The following GPC5 variants were observed in gnomAD, a reference collection of about 807,000 sequenced individuals.
GPC5 encodes glypican 5, also known as glypican-5.
A neutral mutation model predicts 53.9 loss-of-function variants in GPC5; 47 were observed. The observed-to-expected ratio is 0.87, with a 90% CI of 0.69 to 1.11. The LOEUF (loss-of-function observed/expected upper bound fraction) is 1.11, where lower values mean the gene tolerates loss of function less well. Ranked by LOEUF, GPC5 falls within the 50% of genes most tolerant of loss-of-function variation. The pLI is 0.00. For missense variants in GPC5, 748 were observed against 713.1 expected (o/e 1.05, Z -0.56); for synonymous variants, 286 against 263.3 (o/e 1.09, Z -0.84).
rs377578733 is a variant in GPC5, at chr13:92,596,763, C to T, written c.1562-269519C>T. On this transcript the variant is annotated intron_variant, in intron 7 of 7. Transcript: ENST00000377067. ...TTGGGATTACAGGCATCAGCCACCG[C>T]GCCAGGTTGTATTCAGTATAATTCT... 2.2e-4 allele frequency among the ~76,000 whole-genome samples: 34 copies of T among 152,214 alleles called. 1 individual carries two copies. The highest frequency in any genetic ancestry group is 2.9e-4 in the Non-Finnish European group (20 of 68,018).
chr13:92,386,004 G>A (rs1172833356), intron 7 of GPC5, among the ~76,000 whole-genome samples: 1 of 151,590 alleles, frequency 6.6e-6, no homozygotes, highest in African/African-American at 2.4e-5. Flanking sequence ...ATGAAGCATA[G>A]AATATCCATT....
chr13:91,776,637 A>G (rs1356373182), intron 5 of GPC5, among the ~76,000 whole-genome samples: 1 of 152,222 alleles, frequency 6.6e-6, no homozygotes, highest in Non-Finnish European at 1.5e-5. Context: ...ATCTAGTGCT[A>G]GAGCTCATAT....
In GPC5 at chr13:91,448,786, C is replaced by G. The variant is rs759392232; in HGVS notation, c.189C>G (p.Ser63=). The G allele has an allele frequency of 6.2e-7, 1 of 1,613,096 alleles. No individual in the cohort carries two copies. Residue 63 remains serine (S), a synonymous_variant, in exon 2 of 8, where the codon TCC becomes TCG. Coordinates refer to ENST00000377067, the MANE Select transcript of GPC5 (RefSeq NM_004466.6). ...RAGPDLQVCI[S]KKPTCCTRKM... ...GACCTGATCTTCAGGTTTGCATATC[C>G]AAAAAGCCTACATGTTGCACCAGGA...
intron 1 of GPC5, among the ~76,000 whole-genome samples, chr13:91,430,744 G>A (rs1006363805): frequency 2.0e-5 from 3 of 152,106 alleles, no homozygotes; most frequent in African/African-American, 4.8e-5. Flanking sequence ...CATGATTTTT[G>A]CCAATTTGGG....
chr13:92,544,627 G>A (rs1882040327), intron 7 of GPC5, among the ~76,000 whole-genome samples: 2 of 151,956 alleles, frequency 1.3e-5, no homozygotes, highest in South Asian at 2.1e-4. Context: ...TGAAGCAGCT[G>A]GCTCTTCCCT....
At chr13:91,671,476 C>CT (rs1405291013) in intron 2 of GPC5, among the ~76,000 whole-genome samples, 1 of 151,782 alleles carries the variant, frequency 6.6e-6, no homozygotes, top group African/African-American at 2.4e-5. Flanking sequence ...ATTTTTGGGG[C>CT]TGAGATTATG....
At chr13:92,373,552 G>A (rs2043668102) in intron 7 of GPC5, among the ~76,000 whole-genome samples, 1 of 152,110 alleles carries the variant, frequency 6.6e-6, no homozygotes. Flanking sequence ...TTCTTAGGAA[G>A]CTTCATCTTT....
At chr13:92,481,121 G>T in intron 7 of GPC5, among the ~76,000 whole-genome samples, 1 of 150,112 alleles carries the variant, frequency 6.7e-6, no homozygotes. Context: ...TTTTTTTTGA[G>T]ACAGAGTCTT....
chr13:91,622,203 C>A (rs1252585787), intron 2 of GPC5, among the ~76,000 whole-genome samples: 1 of 152,112 alleles, frequency 6.6e-6, no homozygotes, highest in Admixed American at 6.5e-5. Context: ...TTTGGCAACA[C>A]CCTCACAGAC....
intron 7 of GPC5, among the ~76,000 whole-genome samples, chr13:92,708,197 G>A (rs1566375884): frequency 6.6e-6 from 1 of 152,126 alleles, no homozygotes; most frequent in African/African-American, 2.4e-5. Flanking sequence ...TGAAGAACTT[G>A]ACCATTAGGT....
At chr13:91,535,292 C>G (rs533810628) in intron 2 of GPC5, among the ~76,000 whole-genome samples, 1 of 152,262 alleles carries the variant, frequency 6.6e-6, no homozygotes, top group South Asian at 2.1e-4. Context: ...ATTATGTACT[C>G]TAAACCCTGA....
intron 5 of GPC5, among the ~76,000 whole-genome samples, chr13:91,784,513 T>C (rs1157329788): frequency 6.6e-6 from 1 of 151,976 alleles, no homozygotes; most frequent in Admixed American, 6.6e-5. Flanking sequence ...TCACCTGAGG[T>C]CGGAAGTTGG....
rs76161192 is a variant in GPC5, at chr13:92,401,177, A to ATTTT, written c.1561+256199_1561+256202dup. ...CTAATTCTTCTTTGCCTAGCCATCT[A>ATTTT]TTTTTTTTTTTTTTAGGAAATTGAA... On this transcript the variant is annotated intron_variant, in intron 7 of 7. Transcript: ENST00000377067. 2.8e-5 allele frequency among the ~76,000 whole-genome samples: 4 copies of ATTTT among 140,756 alleles called. No individual in the cohort carries two copies. In the South Asian group the frequency reaches 9.0e-4, roughly 32 times the overall value. 92.3% of individuals were successfully genotyped at this position (140,756 alleles called of 152,430 possible). A position where few individuals can be genotyped will look rare whatever the true frequency, so the allele number is the denominator to read the frequency against.
chr13:92,673,139 T>A (rs895520975), intron 7 of GPC5, among the ~76,000 whole-genome samples: 13 of 148,154 alleles, frequency 8.8e-5, no homozygotes, highest in Non-Finnish European at 1.7e-4. Context: ...CATAATATGT[T>A]ATTAAAATTC....
chr13:92,173,863 G>A (rs947468856), intron 7 of GPC5, among the ~76,000 whole-genome samples: 3 of 152,148 alleles, frequency 2.0e-5, no homozygotes, highest in Non-Finnish European at 2.9e-5. Flanking sequence ...CCAGCACTTT[G>A]GGAAGCCGAG....
intron 5 of GPC5, among the ~76,000 whole-genome samples, chr13:91,779,745 A>G (rs1449011081): frequency 6.6e-6 from 1 of 152,184 alleles, no homozygotes; most frequent in Admixed American, 6.5e-5. Flanking sequence ...AATGATCAAT[A>G]TCAGTGTCTT....
At chr13:92,826,864 T>C (rs1016534422) in intron 7 of GPC5, among the ~76,000 whole-genome samples, 7 of 152,126 alleles carry the variant, frequency 4.6e-5, no homozygotes, top group South Asian at 2.1e-4. Context: ...GTTCATATCC[T>C]ATGCCCTTTA....
intron 5 of GPC5, among the ~76,000 whole-genome samples, chr13:91,827,869 A>T (rs939386331): frequency 2.0e-5 from 3 of 152,050 alleles, no homozygotes; most frequent in African/African-American, 7.2e-5. Context: ...AAATATATCC[A>T]TATAAAGACT....
intron 6 of GPC5, among the ~76,000 whole-genome samples, chr13:91,918,780 C>A (rs891968877): frequency 1.3e-5 from 2 of 152,028 alleles, no homozygotes; most frequent in African/African-American, 4.8e-5. Context: ...TCACCAATAT[C>A]TTTGATTTCT....
Sources: gnomAD v4.1 joint callset for allele counts (sites outside exome capture counted in the v4.1 genomes callset) on GRCh38, gnomAD v4.1.1 for gene constraint, MANE v1.5 for transcripts, NCBI Gene and HGNC (gene_info 2026-07-23, HGNC 2026-07-21) for gene names.